Variants in FOLH1 observed in about 807,000 individuals in gnomAD.
The protein encoded by FOLH1 is folate hydrolase 1.
FOLH1 carries 54 observed loss-of-function variants against 93.9 expected under a neutral mutation model. The observed-to-expected ratio is 0.57, with a 90% CI of 0.46 to 0.72. The LOEUF is 0.72. Among genes scored for constraint, FOLH1 ranks in the 30% least tolerant of loss-of-function variants. FOLH1 has a pLI of 0.00. For synonymous variants in FOLH1, 249 were observed against 303.6 expected (o/e 0.82, Z 1.87); for missense variants, 571 against 892.5 (o/e 0.64, Z 4.59).
At chr11:49,188,477 C>T (rs1005387149) in intron 4 of FOLH1, among the ~76,000 whole-genome samples, 6 of 145,872 alleles carry the variant, frequency 4.1e-5, no homozygotes, top group African/African-American at 1.5e-4. Flanking sequence ...CATACCACTG[C>T]ACTCCAGCCC....
chr11:49,208,591 C>A lies in FOLH1; in HGVS notation c.-182G>T, dbSNP rs73473180. The stretch of plus-strand genomic sequence containing the variant: ...CAGTTTCTCCACCACAGCAGTGTTT[C>A]TAGAGTGCACTGAACCAATCCGAGC... On this transcript the variant is annotated 5_prime_UTR_variant, in exon 1 of 19. Transcript: ENST00000256999. The A allele has an allele frequency of 5.2e-3, 2,486 of 476,738 alleles. 54 individuals are homozygous for A. Among genetic ancestry groups the A allele is most frequent in the African/African-American group, 0.045 (2,242 of 50,310 alleles). The allele number at this position is 476,738 out of a possible 1,614,324, so 29.5% of individuals were successfully genotyped here.
chr11:49,181,456 A>G (rs1860727445), intron 7 of FOLH1, among the ~76,000 whole-genome samples: 1 of 151,996 alleles, frequency 6.6e-6, no homozygotes, highest in African/African-American at 2.4e-5. Context: ...ATATATATAT[A>G]GTTTTGAAAT....
rs141150375 is a variant in FOLH1 at position 49,189,267 on chromosome 11, A to G, written c.514-2498T>C. Among the ~76,000 whole-genome samples, 3 of 152,298 alleles carry G rather than the reference A, an allele frequency of 2.0e-5. No homozygotes were observed. The East Asian group carries it at 5.8e-4, about 29-fold the overall frequency. ...CCTTTCGAAAGTCTTTACACAGCCT[A>G]GTTTGAAACCCCTGTCCCAGATGAT... On this transcript the variant is annotated intron_variant, in intron 4 of 18. Transcript: ENST00000256999.
intron 17 of FOLH1, among the ~76,000 whole-genome samples, chr11:49,149,119 G>A (rs1375241467): frequency 6.6e-6 from 1 of 151,948 alleles, no homozygotes; most frequent in African/African-American, 2.4e-5. Context: ...CGTGGGGTGG[G>A]GTGAGGGGGG....
chr11:49,195,140 A>C (rs1022959004), intron 3 of FOLH1, among the ~76,000 whole-genome samples: 3 of 152,160 alleles, frequency 2.0e-5, no homozygotes, highest in Non-Finnish European at 4.4e-5. Context: ...CAGAACGTCT[A>C]TAAAAACTGA....
At chr11:49,163,546 C>G (rs1271210229) in intron 13 of FOLH1, among the ~76,000 whole-genome samples, 1 of 146,896 alleles carries the variant, frequency 6.8e-6, no homozygotes, top group African/African-American at 2.5e-5. Flanking sequence ...AGGCACAACA[C>G]TGCTACCAGT....
chr11:49,190,923 A>T (rs1217529277), intron 4 of FOLH1, among the ~76,000 whole-genome samples: 1 of 152,252 alleles, frequency 6.6e-6, no homozygotes, highest in Admixed American at 6.5e-5. Context: ...ATACTTTAAA[A>T]ATCTTAAATG....
At chr11:49,191,255 GC>G (rs1473576661) in intron 4 of FOLH1, among the ~76,000 whole-genome samples, 2 of 152,222 alleles carry the variant, frequency 1.3e-5, no homozygotes, top group African/African-American at 4.8e-5. Context: ...CTCTTGATCC[GC>G]CCCCCTCGGC....
chr11:49,157,959 T>C lies in FOLH1; in HGVS notation c.1525A>G (p.Met509Val). Residue 509 changes from methionine to valine, a missense_variant, in exon 14 of 19, where the codon ATG (methionine) becomes GTG (valine). Met to Val is a conservative substitution (Grantham distance 21). Around this residue, in one of 2 missense-constraint regions of FOLH1, gnomAD observed 500 missense variants for 822.9 expected, o/e 0.61. Transcript: ENST00000256999. ...KKSPSPEFSG[M>V]PRISKLGSGN... is the part of the protein sequence containing the mutation. ...CTTCATTCATTTGTTTACCTGGGCA[T>C]GCCACTGAACTCTGGGGAAGGACTT... 6.3e-7 allele frequency: 1 copy of C among 1,585,716 alleles called. No individual in the cohort carries two copies. Among genetic ancestry groups the C allele is most frequent in the African/African-American group, 1.4e-5 (1 of 74,010 alleles).
chr11:49,205,976 G>A, intron 2 of FOLH1, 91 bp downstream of exon 2: 1 of 1,256,482 alleles, frequency 8.0e-7, no homozygotes, highest in South Asian at 1.6e-5. Flanking sequence ...TAAGAAAAAA[G>A]TCCAGTTCCT....
At position 49,146,864 on chromosome 11, in the gene FOLH1, A is replaced by G. The variant is rs201855858; in HGVS notation, c.2145T>C (p.Ile715=). The change falls in exon 19 of 19, where the codon ATT becomes ATC. Residue 715 remains isoleucine (I), a synonymous_variant. Coordinates refer to ENST00000256999, the MANE Select transcript of FOLH1 (RefSeq NM_004476.3). ...CCTTGGAAGGGTCCACTTTGCTTTC[A>G]ATATCAAACAGAGCATCATAAATTC... is the stretch of plus-strand genomic sequence containing the variant. ...FPGIYDALFD[I]ESKVDPSKAW... 2.2e-3 allele frequency: 3,621 copies of G among 1,613,484 alleles called. 94 individuals are homozygous for G. In the South Asian group the frequency reaches 0.038, roughly 17 times the overall value.
intron 13 of FOLH1, among the ~76,000 whole-genome samples, chr11:49,159,157 C>T (rs1235966446): frequency 1.3e-5 from 2 of 152,118 alleles, no homozygotes; most frequent in Non-Finnish European, 2.9e-5. Context: ...GCCAGCACTT[C>T]CAATACTATG....
intron 13 of FOLH1, among the ~76,000 whole-genome samples, chr11:49,160,943 T>A (rs1222916238): frequency 6.6e-6 from 1 of 152,216 alleles, no homozygotes; most frequent in Non-Finnish European, 1.5e-5. Flanking sequence ...AATTGCATAG[T>A]TTTGAGTGAA....
chr11:49,178,015 C>A (rs532073386), intron 7 of FOLH1, among the ~76,000 whole-genome samples: 1 of 151,306 alleles, frequency 6.6e-6, no homozygotes, highest in East Asian at 1.9e-4. Flanking sequence ...CAGGCATGTA[C>A]ACATAGAGGG....
chr11:49,203,826 TC>T (rs1204561121), intron 2 of FOLH1, among the ~76,000 whole-genome samples: 2 of 152,134 alleles, frequency 1.3e-5, no homozygotes, highest in Admixed American at 1.3e-4. Flanking sequence ...GAGGGGGCTC[TC>T]CCCCCACCCT....
intron 17 of FOLH1, among the ~76,000 whole-genome samples, chr11:49,153,199 A>C (rs1856660000): frequency 6.6e-6 from 1 of 151,622 alleles, no homozygotes; most frequent in East Asian, 1.9e-4. Flanking sequence ...TCCATCTTAA[A>C]ATTTTGTTCA....
At chr11:49,170,713 A>G (rs1430018724) in intron 11 of FOLH1, among the ~76,000 whole-genome samples, 1 of 152,230 alleles carries the variant, frequency 6.6e-6, no homozygotes, top group Non-Finnish European at 1.5e-5. Context: ...AATAGAGACA[A>G]TTTAACTTCA....
At chr11:49,184,456 C>T (rs1861145991) in intron 6 of FOLH1, among the ~76,000 whole-genome samples, 1 of 152,084 alleles carries the variant, frequency 6.6e-6, no homozygotes, top group Admixed American at 6.5e-5. Context: ...ATTTTATTTT[C>T]ATTATTTTGA....
rs139788917 is a variant in FOLH1 at position 49,160,444 on chromosome 11, T to G, written c.1441-2401A>C. ...CTGTTAACTTGAGATCTTTCTAATG[T>G]TTTTTTCTTTTTTTTTGAGACGGAG... On this transcript the variant is annotated intron_variant, in intron 13 of 18. Coordinates refer to ENST00000256999, the MANE Select transcript of FOLH1 (RefSeq NM_004476.3). Among the ~76,000 whole-genome samples the G allele has an allele frequency of 5.9e-3, 892 of 151,932 alleles. 12 individuals are homozygous for G. Among genetic ancestry groups the G allele is most frequent in the African/African-American group, 0.021 (853 of 41,458 alleles).
Sources: gnomAD v4.1 joint callset for allele counts (sites outside exome capture counted in the v4.1 genomes callset) on GRCh38, gnomAD v4.1.1 for gene constraint, gnomAD v4.1.1 regional missense constraint, MANE v1.5 for transcripts, NCBI Gene and HGNC (gene_info 2026-07-23, HGNC 2026-07-21) for gene names.